Variants in USP54 observed in about 807,000 individuals in gnomAD.
USP54 encodes ubiquitin carboxyl-terminal hydrolase 54.
Under a neutral mutation model 170.5 loss-of-function variants are expected in USP54, and 87 were observed. That is an observed-to-expected ratio of 0.51 (90% CI 0.43 to 0.61). USP54 has a LOEUF of 0.61. Among genes scored for constraint, USP54 ranks in the 20% least tolerant of loss-of-function variants. The probability of loss-of-function intolerance (pLI) is 0.00; values close to 1 mark genes in which losing one functional copy is unlikely to be tolerated. For missense variants in USP54, 1,786 were observed against 2,047.8 expected, an observed-to-expected ratio of 0.87 and a Z score of 2.47; for synonymous variants, 655 against 742.8, an observed-to-expected ratio of 0.88 and a Z score of 1.92.
At chr10:73,541,925 A>T in intron 7 of USP54, 187 bp from the exon 8 acceptor site, 1 of 596,676 alleles carries the variant, frequency 1.7e-6, no homozygotes, top group South Asian at 2.0e-5. Flanking sequence ...TCCAAAGCTC[A>T]TAGAATCCCC....
Position 73,534,781 on chromosome 10 carries a change from G to A in USP54, c.1145-11C>T. On this transcript the variant is annotated splice_polypyrimidine_tract_variant and intron_variant, in intron 11 of 23. Coordinates refer to ENST00000687698, the MANE Select transcript of USP54 (RefSeq NM_001391956.1). ...TGGAGGGCTCCCTCCCTGAGAGGAG[G>A]AGGAAACACATATGCAAAAAGTGAG... 6.2e-7 allele frequency: 1 copy of A among 1,612,780 alleles called. No individual in the cohort carries two copies. The highest frequency in any genetic ancestry group is 8.5e-7 in the Non-Finnish European group (1 of 1,179,250).
At chr10:73,562,379 T>C (rs576869892) in intron 4 of USP54, among the ~76,000 whole-genome samples, 8 of 152,316 alleles carry the variant, frequency 5.3e-5, no homozygotes, top group Admixed American at 3.9e-4. Context: ...ACTGATTACA[T>C]ACTTACATGA....
intron 4 of USP54, among the ~76,000 whole-genome samples, chr10:73,553,947 A>G (rs1392168682): frequency 6.6e-6 from 1 of 152,242 alleles, no homozygotes; most frequent in Non-Finnish European, 1.5e-5. Flanking sequence ...TTCTATCCAC[A>G]TGAGCACATA....
chr10:73,563,532 G>C (rs1350335630), intron 4 of USP54, among the ~76,000 whole-genome samples: 1 of 152,002 alleles, frequency 6.6e-6, no homozygotes, highest in Non-Finnish European at 1.5e-5. Flanking sequence ...CCACCCTCCG[G>C]GTTCAAGTGA....
intron 3 of USP54, among the ~76,000 whole-genome samples, chr10:73,571,760 C>T (rs1386177891): frequency 6.6e-6 from 1 of 152,092 alleles, no homozygotes; most frequent in East Asian, 1.9e-4. Context: ...TAAAATATGA[C>T]ATGATATACA....
rs143345500 is a variant in USP54 at position 73,532,887 on chromosome 10, T to C, written c.1315+1713A>G. On this transcript the variant is annotated intron_variant, in intron 12 of 23. Coordinates refer to ENST00000687698, the MANE Select transcript of USP54 (RefSeq NM_001391956.1). ...GGACTTATCAACTCATCAGAATGCA[T>C]AGACCTCATTTAGATGCTGAGTCAA... Among the ~76,000 whole-genome samples, 317 of 152,344 alleles carry C rather than the reference T, an allele frequency of 2.1e-3. 1 individual carries two copies. Among genetic ancestry groups the C allele is most frequent in the African/African-American group, 7.0e-3 (290 of 41,570 alleles).
chr10:73,532,177 CT>C (rs879926149), intron 12 of USP54, among the ~76,000 whole-genome samples: 274 of 144,590 alleles, frequency 1.9e-3, no homozygotes, highest in Admixed American at 2.1e-3. Flanking sequence ...ACAACTAAGT[CT>C]TTTTTTTTTT....
At chr10:73,578,694 G>A (rs140077609) in intron 1 of USP54, among the ~76,000 whole-genome samples, 26 of 152,150 alleles carry the variant, frequency 1.7e-4, no homozygotes, top group Admixed American at 8.5e-4. Context: ...ATGAGCCACC[G>A]CACCCAGCCA....
intron 1 of USP54, among the ~76,000 whole-genome samples, chr10:73,587,490 T>C (rs1348656374): frequency 1.3e-5 from 2 of 151,804 alleles, no homozygotes; most frequent in Non-Finnish European, 2.9e-5. Context: ...AAACAAAAAG[T>C]GCACCCTCTG....
chr10:73,533,222 C>G (rs1471995845), intron 12 of USP54, among the ~76,000 whole-genome samples: 4 of 151,934 alleles, frequency 2.6e-5, no homozygotes, highest in Non-Finnish European at 5.9e-5. Context: ...AGGAGAATGG[C>G]ATGAACCTGG....
At chr10:73,616,335 C>CAAAAAAAAAAAAAA (rs60197778) in intron 1 of USP54, among the ~76,000 whole-genome samples, 1 of 25,776 alleles carries the variant, frequency 3.9e-5, no homozygotes, top group African/African-American at 1.8e-4. Context: ...GACTCCATCT[C>CAAAAAAAAAAAAAA]AAAAAAAAAA....
intron 20 of USP54, among the ~76,000 whole-genome samples, chr10:73,507,704 A>G (rs538259051): frequency 3.5e-4 from 52 of 149,022 alleles, no homozygotes; most frequent in African/African-American, 6.5e-4. Flanking sequence ...AATTACAGCT[A>G]TGGCTGGCCG....
At chr10:73,618,538 G>A (rs976590922) in intron 1 of USP54, among the ~76,000 whole-genome samples, 1 of 149,878 alleles carries the variant, frequency 6.7e-6, no homozygotes, top group African/African-American at 2.5e-5. Context: ...AAGGTCAGGA[G>A]TTCAAGACCA....
chr10:73,619,143 G>A (rs534207145), intron 1 of USP54, among the ~76,000 whole-genome samples: 8 of 150,630 alleles, frequency 5.3e-5, no homozygotes, highest in Admixed American at 5.3e-4. Flanking sequence ...AACCCAGGAG[G>A]TGAAGGTTGC....
intron 13 of USP54, 80 bp downstream of exon 13, chr10:73,530,624 G>A: frequency 6.3e-7 from 1 of 1,583,640 alleles, no homozygotes; most frequent in Non-Finnish European, 8.6e-7. Context: ...GAACAGAAAG[G>A]AGAAGCCAAC....
chr10:73,508,670 G>GT (rs778461146), intron 20 of USP54, among the ~76,000 whole-genome samples: 10,929 of 141,214 alleles, frequency 0.077, 627 homozygotes, highest in East Asian at 0.3. Flanking sequence ...AGAAGAACAT[G>GT]TTTTTTTTTT....
At chr10:73,551,303 A>G (rs2069287080) in intron 4 of USP54, among the ~76,000 whole-genome samples, 1 of 152,156 alleles carries the variant, frequency 6.6e-6, no homozygotes, top group Non-Finnish European at 1.5e-5. Context: ...TGTGAGGGAA[A>G]TCTGTTATAA....
chr10:73,575,230 T>C (rs1261357124), intron 3 of USP54, among the ~76,000 whole-genome samples: 1 of 152,136 alleles, frequency 6.6e-6, no homozygotes, highest in Non-Finnish European at 1.5e-5. Flanking sequence ...GTCTGAAAGA[T>C]CACCTGGTCC....
rs2061340273 is a variant in USP54, at chr10:73,518,124, A to C, written c.2679-377T>G. 3.1e-6 allele frequency: 3 copies of C among 955,358 alleles called. No homozygotes were observed. In the South Asian group the frequency reaches 1.5e-4, roughly 46 times the overall value. 59.2% of individuals were successfully genotyped at this position (955,358 alleles called of 1,614,324 possible). On this transcript the variant is annotated intron_variant, in intron 19 of 23. Coordinates refer to ENST00000687698, the MANE Select transcript of USP54 (RefSeq NM_001391956.1). ...TGCAGATGACATGGAAGGTAAGCAA[A>C]GCCTGAAAATCACTCATACCAAACA...
Sources: gnomAD v4.1 joint callset for allele counts (sites outside exome capture counted in the v4.1 genomes callset) on GRCh38, gnomAD v4.1.1 for gene constraint, MANE v1.5 for transcripts, NCBI Gene and HGNC (gene_info 2026-07-23, HGNC 2026-07-21) for gene names.